Variants in PCBP3 observed in about 807,000 individuals in gnomAD.
PCBP3 encodes the protein poly(rC) binding protein 3, also known as poly(rC)-binding protein 3.
Under a neutral mutation model 52.7 loss-of-function variants are expected in PCBP3, and 25 were observed. The ratio of observed to expected loss-of-function variants is 0.47; its 90% CI spans 0.35 to 0.66. The LOEUF (loss-of-function observed/expected upper bound fraction) is 0.66. Among genes scored for constraint, PCBP3 ranks in the 30% least tolerant of loss-of-function variants. The probability of loss-of-function intolerance (pLI) is 0.01; values close to 1 mark genes in which losing one functional copy is unlikely to be tolerated. For missense variants in PCBP3, 391 were observed against 490.3 expected, an observed-to-expected ratio of 0.80 and a Z score of 1.91; for synonymous variants, 162 against 183.0, an observed-to-expected ratio of 0.89 and a Z score of 0.93.
chr21:45,697,033 T>TG (rs943380647), intron 2 of PCBP3, among the ~76,000 whole-genome samples: 1 of 152,228 alleles, frequency 6.6e-6, no homozygotes, highest in Admixed American at 6.5e-5. Context: ...TATATGCTGC[T>TG]GGTTGATTGT....
rs558369882 is a variant in PCBP3 at position 45,891,791 on chromosome 21, G to A, written c.11-4417G>A. 5.3e-5 allele frequency among the ~76,000 whole-genome samples: 8 copies of A among 152,348 alleles called. No individual in the cohort carries two copies. The East Asian group carries it at 1.5e-3, about 29-fold the overall frequency. Reference sequence around the variant, plus strand: ...GAGTCGGTCTGTGCCACTGCACGGGGCCATCAGAGCTCTCTCTGAGCGCCT... The same window carrying A: ...GAGTCGGTCTGTGCCACTGCACGGGACCATCAGAGCTCTCTCTGAGCGCCT... On this transcript the variant is annotated intron_variant, in intron 5 of 17. Transcript: ENST00000681687.
intron 5 of PCBP3, among the ~76,000 whole-genome samples, chr21:45,877,795 TAAA>T (rs61264001): frequency 6.7e-6 from 1 of 148,382 alleles, no homozygotes; most frequent in Non-Finnish European, 1.5e-5. Flanking sequence ...AACTCCGTCT[TAAA>T]AAAAAAAAAT....
Position 45,942,132 on chromosome 21 carries a change from T to C in PCBP3, c.*426T>C, listed in dbSNP as rs1293896313. The C allele has an allele frequency of 1.2e-5, 2 of 163,134 alleles. No individual in the cohort carries two copies. Among genetic ancestry groups the C allele is most frequent in the African/African-American group, 4.8e-5 (2 of 41,926 alleles). The allele number at this position is 163,134 out of a possible 1,614,324, so 10.1% of individuals were successfully genotyped here. On this transcript the variant is annotated 3_prime_UTR_variant, in exon 18 of 18. Coordinates refer to ENST00000681687, the MANE Select transcript of PCBP3 (RefSeq NM_001384156.1). Reference sequence around the variant, plus strand: ...CCTCCTCTCTCACACAGCCCTGCCATGCTGACTCGGTTTCCCCTCAGAGCC... The same window carrying C: ...CCTCCTCTCTCACACAGCCCTGCCACGCTGACTCGGTTTCCCCTCAGAGCC...
At chr21:45,687,621 C>T (rs1004681915) in intron 2 of PCBP3, among the ~76,000 whole-genome samples, 8 of 151,854 alleles carry the variant, frequency 5.3e-5, no homozygotes, top group Non-Finnish European at 1.2e-4. Context: ...AAAACAAGAC[C>T]CAACAATATG....
chr21:45,855,252 G>A lies in PCBP3; in HGVS notation c.10+5157G>A, dbSNP rs534800622. 4.6e-5 allele frequency among the ~76,000 whole-genome samples: 7 copies of A among 152,336 alleles called. No homozygotes were observed. In the East Asian group the frequency reaches 1.4e-3, roughly 29 times the overall value. Reference sequence around the variant, plus strand: ...GAGCTGGAGCTTCCCGACTGCAGGAGGGAAAAGAGGAATCCTGGGATCTGG... The same window carrying A: ...GAGCTGGAGCTTCCCGACTGCAGGAAGGAAAAGAGGAATCCTGGGATCTGG... On this transcript the variant is annotated intron_variant, in intron 5 of 17. Coordinates refer to ENST00000681687, the MANE Select transcript of PCBP3 (RefSeq NM_001384156.1).
intron 2 of PCBP3, among the ~76,000 whole-genome samples, chr21:45,675,030 C>T (rs919652768): frequency 1.3e-5 from 2 of 152,202 alleles, no homozygotes; most frequent in Admixed American, 1.3e-4. Flanking sequence ...ATAGGGATGC[C>T]CTGGAGCCTG....
At chr21:45,730,457 ATTACCTT>A (rs2085370027) in intron 2 of PCBP3, among the ~76,000 whole-genome samples, 6 of 152,100 alleles carry the variant, frequency 3.9e-5, no homozygotes, top group Admixed American at 3.9e-4. Flanking sequence ...TTTTCAGAAT[ATTACCTT>A]TGAAAATATC....
chr21:45,922,019 C>T (rs774879351), intron 13 of PCBP3, among the ~76,000 whole-genome samples: 7 of 152,260 alleles, frequency 4.6e-5, no homozygotes, highest in Middle Eastern at 3.4e-3. Context: ...TATGGCCACT[C>T]GGCAGCCCTG....
intron 11 of PCBP3, 116 bp from the exon 12 acceptor site, chr21:45,913,835 G>A (rs1603500618): frequency 1.1e-6 from 1 of 913,234 alleles, no homozygotes; most frequent in Non-Finnish European, 1.7e-6. Context: ...GGGGAGGTGT[G>A]GGGAGCGTGG....
chr21:45,821,458 A>C lies in PCBP3; in HGVS notation c.-125-28503A>C, dbSNP rs1302537899. ...GCTGTGGGCCCCGCACCTTCCCCCA[A>C]CTCTTTTCTAGAACACTCTTCCCCC... On this transcript the variant is annotated intron_variant, in intron 4 of 17. Transcript: ENST00000681687. This position sits in a 1 kb window ranked among gnomAD's most constrained non-coding sequence, Gnocchi z 4.4. Among the ~76,000 whole-genome samples the C allele has an allele frequency of 2.8e-5, 3 of 106,752 alleles. No homozygotes were observed. Among genetic ancestry groups the C allele is most frequent in the East Asian group, 5.4e-4 (2 of 3,670 alleles). 70.0% of individuals were successfully genotyped at this position (106,752 alleles called of 152,430 possible).
At chr21:45,764,344 A>C (rs965465282) in intron 4 of PCBP3, among the ~76,000 whole-genome samples, 6 of 151,700 alleles carry the variant, frequency 4.0e-5, no homozygotes, top group African/African-American at 1.2e-4. Flanking sequence ...CTGGTCTCGA[A>C]CTCCCGACCT....
intron 1 of PCBP3, among the ~76,000 whole-genome samples, chr21:45,651,759 A>G (rs1603100461): frequency 6.6e-6 from 1 of 152,232 alleles, no homozygotes; most frequent in Non-Finnish European, 1.5e-5. Flanking sequence ...AGGTAGAACT[A>G]TTAGCTCAAA....
chr21:45,771,471 A>G (rs935860051), intron 4 of PCBP3, among the ~76,000 whole-genome samples: 1 of 152,242 alleles, frequency 6.6e-6, no homozygotes, highest in Non-Finnish European at 1.5e-5. Context: ...TTTGTCTAAA[A>G]TTAATCAGTA....
intron 4 of PCBP3, among the ~76,000 whole-genome samples, chr21:45,804,156 T>C (rs1237358259): frequency 6.6e-6 from 1 of 152,152 alleles, no homozygotes; most frequent in Admixed American, 6.5e-5. Context: ...GTAGTGTTTT[T>C]TACCCCATTG....
intron 13 of PCBP3, among the ~76,000 whole-genome samples, chr21:45,927,409 C>CA (rs2075618643): frequency 7.3e-6 from 1 of 136,676 alleles, no homozygotes; most frequent in African/African-American, 2.8e-5. Context: ...TTTGGAGGTA[C>CA]TGGTGAGAAC....
In PCBP3 at chr21:45,829,187, G is replaced by C. The variant is rs1018359228; in HGVS notation, c.-125-20774G>C. On this transcript the variant is annotated intron_variant, in intron 4 of 17. Coordinates refer to ENST00000681687, the MANE Select transcript of PCBP3 (RefSeq NM_001384156.1). This position sits in a 1 kb window ranked among gnomAD's most constrained non-coding sequence, Gnocchi z 5.2. ...CAGGGGTATAAGCCTGTCCTCTGCT[G>C]CTCTGGGCCAGGGCTCTGGATGGGC... is the stretch of plus-strand genomic sequence containing the variant. 1.3e-5 allele frequency: 2 copies of C among 152,260 alleles called. No individual in the cohort carries two copies. Among genetic ancestry groups the C allele is most frequent in the African/African-American group, 4.8e-5 (2 of 41,446 alleles). 9.4% of individuals were successfully genotyped at this position (152,260 alleles called of 1,614,324 possible).
chr21:45,911,322 C>T (rs1296348150), intron 11 of PCBP3: 1 of 427,274 alleles, frequency 2.3e-6, no homozygotes, highest in African/African-American at 2.0e-5. Flanking sequence ...GTTGTCATCC[C>T]ACTGAGGGGT....
intron 4 of PCBP3, among the ~76,000 whole-genome samples, chr21:45,792,888 C>T (rs1223022443): frequency 6.6e-6 from 1 of 152,172 alleles, no homozygotes; most frequent in Non-Finnish European, 1.5e-5. Context: ...TGTGTCGGGG[C>T]CAGCCACCAA....
chr21:45,920,681 C>G (rs1489020356), intron 13 of PCBP3, among the ~76,000 whole-genome samples: 1 of 152,160 alleles, frequency 6.6e-6, no homozygotes, highest in Non-Finnish European at 1.5e-5. Context: ...TAACAGAGGC[C>G]TCAGATAACA....
Sources: allele counts gnomAD v4.1 joint callset (sites outside exome capture counted in the v4.1 genomes callset), GRCh38; gene constraint gnomAD v4.1.1; non-coding constraint Gnocchi (gnomAD v3.1); transcripts MANE v1.5; gene names NCBI Gene and HGNC (gene_info 2026-07-23, HGNC 2026-07-21).